The following PAK5 variants were observed in gnomAD, a reference collection of about 807,000 sequenced individuals.
PAK5 encodes the protein serine/threonine-protein kinase PAK 5.
A neutral mutation model predicts 65.9 loss-of-function variants in PAK5; 16 were observed. The observed-to-expected ratio is 0.24, with a 90% CI of 0.16 to 0.37. The LOEUF (loss-of-function observed/expected upper bound fraction) is 0.37. Among genes scored for constraint, PAK5 ranks in the 10% least tolerant of loss-of-function variants. PAK5 has a pLI of 1.00. For missense variants in PAK5, 785 were observed against 903.9 expected (o/e 0.87, Z 1.69); for synonymous variants, 371 against 354.9 (o/e 1.05, Z -0.51).
chr20:9,766,405 C>CTT (rs1389013072), intron 1 of PAK5, among the ~76,000 whole-genome samples: 28 of 52,012 alleles, frequency 5.4e-4, no homozygotes, highest in African/African-American at 9.0e-4. Flanking sequence ...TATATTCAAG[C>CTT]AGAATATATA....
chr20:9,771,113 T>A (rs6133748), intron 1 of PAK5, among the ~76,000 whole-genome samples: 57,406 of 151,644 alleles, frequency 0.38, 11,165 homozygotes, highest in East Asian at 0.5. Context: ...ATAAAACTTG[T>A]GGGAAAGCTC....
chr20:9,547,876 CATT>C (rs1448513658), intron 7 of PAK5, among the ~76,000 whole-genome samples: 1 of 152,146 alleles, frequency 6.6e-6, no homozygotes, highest in Non-Finnish European at 1.5e-5. Context: ...TTGGTATACA[CATT>C]ATAGCTTGAA....
chr20:9,760,316 A>G (rs1463922373), intron 1 of PAK5, among the ~76,000 whole-genome samples: 5 of 152,182 alleles, frequency 3.3e-5, no homozygotes, highest in African/African-American at 1.2e-4. Flanking sequence ...CATGCTATTC[A>G]TCAAGAGTTC....
intron 3 of PAK5, among the ~76,000 whole-genome samples, chr20:9,589,415 T>C (rs2046127032): frequency 6.6e-6 from 1 of 152,216 alleles, no homozygotes; most frequent in African/African-American, 2.4e-5. Flanking sequence ...TCAATAAATA[T>C]TTTCACTCGC....
Position 9,700,305 on chromosome 20 carries a change from G to A in PAK5, c.-12+10981C>T, listed in dbSNP as rs552513593. ...AAGCACCTGTGGTCCCAGATACTAG[G>A]GAGTCAGAGATGAGGGGATTGCTTG... is the stretch of plus-strand genomic sequence containing the variant. On this transcript the variant is annotated intron_variant, in intron 2 of 9. Coordinates refer to ENST00000353224, the MANE Select transcript of PAK5 (RefSeq NM_177990.4). Among the ~76,000 whole-genome samples, 8 of 152,228 alleles carry A rather than the reference G, an allele frequency of 5.3e-5. No homozygotes were observed. In the East Asian group the frequency reaches 1.5e-3, roughly 29 times the overall value.
At chr20:9,570,767 T>G (rs1172566270) in intron 4 of PAK5, among the ~76,000 whole-genome samples, 2 of 152,222 alleles carry the variant, frequency 1.3e-5, no homozygotes, top group Non-Finnish European at 2.9e-5. Flanking sequence ...CCCACAAGCA[T>G]GTATAACTGA....
chr20:9,587,521 G>A lies in PAK5; in HGVS notation c.205-6591C>T, dbSNP rs554579536. On this transcript the variant is annotated intron_variant, in intron 3 of 9. Coordinates refer to ENST00000353224, the MANE Select transcript of PAK5 (RefSeq NM_177990.4). The stretch of plus-strand genomic sequence containing the variant: ...GGAAAGATAGGTATAGAAAAGAAAA[G>A]TTGATAGAAATACAGTAAAATTTTG... Among the ~76,000 whole-genome samples, 22 of 152,282 alleles carry A rather than the reference G, an allele frequency of 1.4e-4. 1 individual carries two copies. The highest frequency in any genetic ancestry group is 1.0e-3 in the South Asian group (5 of 4,828).
At chr20:9,834,753 T>C (rs1979009009) in intron 1 of PAK5, among the ~76,000 whole-genome samples, 1 of 152,174 alleles carries the variant, frequency 6.6e-6, no homozygotes, top group Admixed American at 6.5e-5. Context: ...GACACTGGCA[T>C]ATAACAGAAG....
chr20:9,604,432 T>C (rs1013494683), intron 3 of PAK5, among the ~76,000 whole-genome samples: 13 of 152,206 alleles, frequency 8.5e-5, no homozygotes, highest in Non-Finnish European at 1.8e-4. Context: ...TCTGGCCTCT[T>C]GAATGGGGTC....
chr20:9,713,209 A>G (rs1017384796), intron 1 of PAK5, among the ~76,000 whole-genome samples: 1 of 152,206 alleles, frequency 6.6e-6, no homozygotes. Context: ...AAAGACCCAA[A>G]TAGACATTTC....
chr20:9,672,503 A>T (rs949489229), intron 2 of PAK5, among the ~76,000 whole-genome samples: 2 of 151,610 alleles, frequency 1.3e-5, no homozygotes, highest in African/African-American at 4.9e-5. Flanking sequence ...AAGTCTCACA[A>T]GATCTCATGG....
At chr20:9,720,689 G>A (rs530441819) in intron 1 of PAK5, among the ~76,000 whole-genome samples, 6 of 152,026 alleles carry the variant, frequency 3.9e-5, no homozygotes, top group Admixed American at 3.9e-4. Context: ...ATAGCCAAAA[G>A]GTGTTGTAAC....
chr20:9,573,098 C>CT (rs34357361), intron 4 of PAK5, among the ~76,000 whole-genome samples: 30,832 of 146,172 alleles, frequency 0.21, 3,912 homozygotes, highest in African/African-American at 0.38. Context: ...GTGATTTCCT[C>CT]TTTTTTTTTT....
In PAK5 at chr20:9,838,417, G is replaced by A. The variant is rs979299275; in HGVS notation, c.-162+345C>T. On this transcript the variant is annotated intron_variant, in intron 1 of 9. Coordinates refer to ENST00000353224, the MANE Select transcript of PAK5 (RefSeq NM_177990.4). The surrounding 1 kb of genome is among the most constrained non-coding windows in gnomAD (Gnocchi z 4.5). ...CAAAGAACTGGTGCTGGGCTTGCGAGCAGTTCGGGGTACCAGCACGCTCTC... is the reference window on the plus strand; with the variant it reads ...CAAAGAACTGGTGCTGGGCTTGCGAACAGTTCGGGGTACCAGCACGCTCTC... 3.3e-4 allele frequency among the ~76,000 whole-genome samples: 51 copies of A among 152,282 alleles called. No homozygotes were observed. Among genetic ancestry groups the A allele is most frequent in the African/African-American group, 1.1e-3 (47 of 41,568 alleles).
At chr20:9,778,477 A>G (rs1003239438) in intron 1 of PAK5, among the ~76,000 whole-genome samples, 2 of 152,162 alleles carry the variant, frequency 1.3e-5, no homozygotes, top group African/African-American at 2.4e-5. Flanking sequence ...GCATCAACCA[A>G]TCCACCTACA....
intron 1 of PAK5, among the ~76,000 whole-genome samples, chr20:9,717,399 A>G (rs867017767): frequency 6.6e-6 from 1 of 152,192 alleles, no homozygotes; most frequent in South Asian, 2.1e-4. Flanking sequence ...CCAATAATGA[A>G]TAGTAAAAAA....
intron 2 of PAK5, among the ~76,000 whole-genome samples, chr20:9,649,260 T>C (rs193299310): frequency 6.6e-6 from 1 of 152,326 alleles, no homozygotes; most frequent in Admixed American, 6.5e-5. Context: ...TTACATAAGG[T>C]CCCTTTGTGG....
At chr20:9,613,906 G>A (rs1473419353) in intron 3 of PAK5, among the ~76,000 whole-genome samples, 5 of 152,054 alleles carry the variant, frequency 3.3e-5, no homozygotes, top group African/African-American at 4.8e-5. Context: ...AGGCCTATTT[G>A]CCACCGTTTC....
intron 3 of PAK5, among the ~76,000 whole-genome samples, chr20:9,598,713 T>A (rs2071929436): frequency 6.6e-6 from 1 of 152,246 alleles, no homozygotes; most frequent in Admixed American, 6.5e-5. Flanking sequence ...ATGATAGTGA[T>A]GTTGAGCTTT....
Sources: allele counts gnomAD v4.1 joint callset (sites outside exome capture counted in the v4.1 genomes callset), GRCh38; gene constraint gnomAD v4.1.1; non-coding constraint Gnocchi (gnomAD v3.1); transcripts MANE v1.5; gene names NCBI Gene and HGNC (gene_info 2026-07-23, HGNC 2026-07-21).